Variants in RSPH10B2 observed in about 807,000 individuals in gnomAD.
The protein encoded by RSPH10B2 is radial spoke head 10 homolog B2 (Chlamydomonas).
In RSPH10B2, 9 loss-of-function variants were observed where a neutral mutation model predicts 49.0. The ratio of observed to expected loss-of-function variants is 0.18; its 90% CI spans 0.11 to 0.32. The LOEUF is 0.32. Among genes scored for constraint, RSPH10B2 ranks in the 10% least tolerant of loss-of-function variants. The pLI is 1.00. For synonymous variants in RSPH10B2, 35 were observed against 210.2 expected, an observed-to-expected ratio of 0.17 and a Z score of 7.21; for missense variants, 95 against 589.9, an observed-to-expected ratio of 0.16 and a Z score of 8.69.
chr7:6,793,206 C>T lies in RSPH10B2; in HGVS notation c.2233+1209C>T, dbSNP rs1419475731. On this transcript the variant is annotated intron_variant, in intron 17 of 18. Coordinates refer to ENST00000297186, the Ensembl canonical transcript of RSPH10B2. ...GAGGTTACAGGTATGAGCCCAACCG[C>T]GCCTGGTCTTTTTTTGTTTGTTTGT... 3.6e-5 allele frequency among the ~76,000 whole-genome samples: 4 copies of T among 112,514 alleles called. 2 individuals are homozygous for T. The highest frequency in any genetic ancestry group is 7.0e-5 in the Non-Finnish European group (4 of 57,070). The allele number at this position is 112,514 out of a possible 152,430, so 73.8% of individuals were successfully genotyped here.
chr7:6,768,378 C>T (rs1223070398), intron 6 of RSPH10B2, among the ~76,000 whole-genome samples: 5 of 152,104 alleles, frequency 3.3e-5, no homozygotes, highest in South Asian at 2.1e-4. Context: ...GTTTTACAGA[C>T]GAGGAACTTA....
intron 3 of RSPH10B2, among the ~76,000 whole-genome samples, chr7:6,763,450 CA>C (rs562073776): frequency 8.3e-6 from 1 of 119,996 alleles, no homozygotes; most frequent in Non-Finnish European, 1.7e-5. Flanking sequence ...AAAATAAAAA[CA>C]AAAATAAAAT....
intron 6 of RSPH10B2, 116 bp downstream of exon 8, chr7:6,766,993 C>G: frequency 3.0e-6 from 3 of 1,004,676 alleles, no homozygotes; most frequent in Non-Finnish European, 4.1e-6. Flanking sequence ...CAGAGTCTCT[C>G]TCTGTCTGTC....
chr7:6,793,031 G>C (rs1423137388), intron 17 of RSPH10B2, among the ~76,000 whole-genome samples: 1 of 108,600 alleles, frequency 9.2e-6, no homozygotes, highest in African/African-American at 3.8e-5. Context: ...AAAGTTCTGA[G>C]ATTACAGGTG....
At chr7:6,763,113 C>CA (rs1271221015) in intron 3 of RSPH10B2, among the ~76,000 whole-genome samples, 2 of 9,398 alleles carry the variant, frequency 2.1e-4, no homozygotes, top group East Asian at 3.8e-3. Flanking sequence ...CTCAAAAAAA[C>CA]AAAAAAACAA....
intron 17 of RSPH10B2, among the ~76,000 whole-genome samples, chr7:6,793,584 A>T (rs1782431720): frequency 7.9e-6 from 1 of 126,722 alleles, no homozygotes; most frequent in South Asian, 3.8e-4. Flanking sequence ...GGTGGCTCAC[A>T]CTTGTAATCC....
chr7:6,782,942 GA>G (rs1781997976), intron 13 of RSPH10B2, among the ~76,000 whole-genome samples: 1 of 127,298 alleles, frequency 7.9e-6, no homozygotes, highest in Non-Finnish European at 1.6e-5. Context: ...ACAGTTTATC[GA>G]AAAAGGAATT....
intron 8 of RSPH10B2, among the ~76,000 whole-genome samples, chr7:6,771,892 G>A (rs1230434672): frequency 2.2e-5 from 3 of 139,364 alleles, no homozygotes; most frequent in Admixed American, 1.5e-4. Context: ...GCCTGTAATC[G>A]CAGCTACTCA....
chr7:6,767,138 G>GT (rs1282013035), intron 6 of RSPH10B2, among the ~76,000 whole-genome samples: 19 of 21,170 alleles, frequency 9.0e-4, no homozygotes, highest in African/African-American at 2.2e-3. Context: ...CGGGCTAATT[G>GT]TTTTTTTTGT....
At chr7:6,784,987 G>A (rs1431561074) in intron 13 of RSPH10B2, among the ~76,000 whole-genome samples, 7 of 89,062 alleles carry the variant, frequency 7.9e-5, no homozygotes, top group African/African-American at 3.5e-4. Context: ...TGTGCAGCAC[G>A]TTGTTTCCCG....
chr7:6,783,309 C>T (rs1476415953), intron 13 of RSPH10B2, among the ~76,000 whole-genome samples: 20 of 116,928 alleles, frequency 1.7e-4, no homozygotes, highest in Non-Finnish European at 2.4e-4. Flanking sequence ...GGATTACAGG[C>T]GTGAGCCACT....
intron 6 of RSPH10B2, among the ~76,000 whole-genome samples, chr7:6,767,853 T>C (rs1781504407): frequency 2.7e-5 from 2 of 73,498 alleles, no homozygotes; most frequent in African/African-American, 6.9e-5. Context: ...TCTCAAAGCG[T>C]TGGGATTACA....
At position 6,792,266 on chromosome 7, in the gene RSPH10B2, TC is replaced by T. The variant is rs769882647; in HGVS notation, c.2233+271del. ...AGGCTGGTACAGCTGCTTCTGTTTC[TC>T]CTCCCTGGTTTGGAGTTCAAGTTCA... On this transcript the variant is annotated intron_variant, in intron 17 of 18. Transcript: ENST00000297186. 6.5e-3 allele frequency among the ~76,000 whole-genome samples: 787 copies of T among 120,360 alleles called. 14 individuals are homozygous for T. The highest frequency in any genetic ancestry group is 0.011 in the Non-Finnish European group (644 of 57,810). 79.0% of individuals were successfully genotyped at this position (120,360 alleles called of 152,430 possible).
chr7:6,782,918 C>A (rs543864501), intron 13 of RSPH10B2, among the ~76,000 whole-genome samples: 1 of 125,126 alleles, frequency 8.0e-6, no homozygotes, highest in Non-Finnish European at 1.7e-5. Context: ...GGATGGATAT[C>A]ATTTAAAACA....
chr7:6,768,029 T>G (rs1314921754), intron 6 of RSPH10B2, among the ~76,000 whole-genome samples: 4 of 148,544 alleles, frequency 2.7e-5, no homozygotes, highest in Admixed American at 6.7e-5. Context: ...CCATCTCTAC[T>G]AAAAATATAA....
intron 14 of RSPH10B2, among the ~76,000 whole-genome samples, chr7:6,786,348 A>C (rs1200331548): frequency 8.8e-6 from 1 of 114,204 alleles, no homozygotes; most frequent in Non-Finnish European, 1.7e-5. Flanking sequence ...ACGCCCGGCT[A>C]ATTTTTTTTT....
rs1782009178 is a variant in RSPH10B2 at position 6,783,228 on chromosome 7, C to T, written c.1758+1752C>T. Among the ~76,000 whole-genome samples the T allele has an allele frequency of 1.8e-5, 2 of 113,832 alleles. 1 individual carries two copies. The highest frequency in any genetic ancestry group is 7.7e-5 in the African/African-American group (2 of 25,904). The allele number at this position is 113,832 out of a possible 152,430, so 74.7% of individuals were successfully genotyped here. A position where few individuals can be genotyped will look rare whatever the true frequency, so the allele number is the denominator to read the frequency against. On this transcript the variant is annotated intron_variant, in intron 13 of 18. Coordinates refer to ENST00000297186, the Ensembl canonical transcript of RSPH10B2. The stretch of plus-strand genomic sequence containing the variant: ...GTATTTTTTAGTAGAGACAGTGTTT[C>T]ACTGTGTTAGCAAGGATGATCTCAA...
Position 6,793,389 on chromosome 7 carries a change from A to G in RSPH10B2, c.2233+1392A>G, listed in dbSNP as rs59137167. 6.8e-4 allele frequency among the ~76,000 whole-genome samples: 78 copies of G among 115,550 alleles called. 18 individuals carry two copies. The highest frequency in any genetic ancestry group is 4.6e-3 in the East Asian group (13 of 2,802). The allele number at this position is 115,550 out of a possible 152,430, so 75.8% of individuals were successfully genotyped here. ...TGACGGCGTCTCTCTATGGCCGGCC[A>G]CCCACTCAATGGTGGACTTTTAAAG... is the stretch of plus-strand genomic sequence containing the variant. On this transcript the variant is annotated intron_variant, in intron 17 of 18. Transcript: ENST00000297186.
chr7:6,756,052 A>C (rs1404135867), upstream of RSPH10B2, among the ~76,000 whole-genome samples: 1 of 150,640 alleles, frequency 6.6e-6, no homozygotes, highest in Non-Finnish European at 1.5e-5. Context: ...GCAGATCACG[A>C]GGTCAGGAGA....
Sources: allele counts gnomAD v4.1 joint callset (sites outside exome capture counted in the v4.1 genomes callset), GRCh38; gene constraint gnomAD v4.1.1; transcripts MANE v1.5; gene names NCBI Gene and HGNC (gene_info 2026-07-23, HGNC 2026-07-21).